The following KLHL32 variants were observed in gnomAD, a reference collection of about 807,000 sequenced individuals.
KLHL32 encodes kelch like family member 32, also known as kelch-like protein 32.
A neutral mutation model predicts 64.8 loss-of-function variants in KLHL32; 35 were observed. The ratio of observed to expected loss-of-function variants is 0.54; its 90% confidence interval spans 0.41 to 0.72. KLHL32 has a LOEUF of 0.72. Among genes scored for constraint, KLHL32 ranks in the 30% least tolerant of loss-of-function variants. KLHL32 has a pLI of 0.00. For synonymous variants in KLHL32, 259 were observed against 281.0 expected (o/e 0.92, Z 0.78); for missense variants, 589 against 768.5 (o/e 0.77, Z 2.76).
At chr6:97,056,967 A>G (rs143436572) in intron 4 of KLHL32, among the ~76,000 whole-genome samples, 1,549 of 152,312 alleles carry the variant, frequency 0.01, 76 homozygotes, top group Admixed American at 0.088. Context: ...ATGAATAAGC[A>G]TAGCTATGTT....
intron 3 of KLHL32, among the ~76,000 whole-genome samples, chr6:96,980,556 G>C (rs569462506): frequency 1.3e-5 from 2 of 152,158 alleles, no homozygotes; most frequent in Non-Finnish European, 2.9e-5. Flanking sequence ...TTCTGGATTT[G>C]ATTTGCTAGT....
intron 3 of KLHL32, among the ~76,000 whole-genome samples, chr6:97,019,664 G>A (rs1009827745): frequency 5.9e-5 from 9 of 152,152 alleles, no homozygotes; most frequent in Non-Finnish European, 1.2e-4. Context: ...AAACCTTGGT[G>A]CATTTATTTA....
chr6:97,071,129 C>T (rs983438030), intron 5 of KLHL32, among the ~76,000 whole-genome samples: 6 of 152,066 alleles, frequency 3.9e-5, no homozygotes, highest in Non-Finnish European at 8.8e-5. Context: ...CGCAGCTGCT[C>T]CTTGCCCTCA....
intron 1 of KLHL32, among the ~76,000 whole-genome samples, chr6:96,949,875 G>C (rs1281288264): frequency 6.6e-6 from 1 of 151,936 alleles, no homozygotes; most frequent in East Asian, 1.9e-4. Context: ...TAAATTTACT[G>C]ACTTAAAAAT....
chr6:97,118,619 C>CAAAAAAAAAAA (rs376156341), intron 7 of KLHL32, among the ~76,000 whole-genome samples: 20 of 101,250 alleles, frequency 2.0e-4, no homozygotes, highest in African/African-American at 5.5e-4. Flanking sequence ...AACTGCATCT[C>CAAAAAAAAAAA]AAAAAAAAAA....
At position 96,976,104 on chromosome 6, in the gene KLHL32, T is replaced by G. The variant is rs1218214432; in HGVS notation, c.131T>G (p.Ile44Ser). The change falls in exon 3 of 11, where the codon ATC (isoleucine) becomes AGC (serine). Residue 44 changes from isoleucine to serine, a missense_variant. Transcript: ENST00000369261. ...QQRSDGILCD[I>S]TLIAEEQKFH... ...AGGAGTGATGGCATCCTCTGCGACA[T>G]CACCCTGATTGCTGAGGAACAGAAA... 3.1e-6 allele frequency: 5 copies of G among 1,608,790 alleles called. No individual in the cohort carries two copies. The highest frequency in any genetic ancestry group is 4.3e-6 in the Non-Finnish European group (5 of 1,176,306).
At chr6:96,966,242 A>G (rs1774441499) in intron 1 of KLHL32, among the ~76,000 whole-genome samples, 2 of 152,204 alleles carry the variant, frequency 1.3e-5, no homozygotes, top group Admixed American at 1.3e-4. Flanking sequence ...CCCTCTACTG[A>G]GGGTTGTAAA....
chr6:96,990,798 A>AG (rs1777769477), intron 3 of KLHL32, among the ~76,000 whole-genome samples: 1 of 152,004 alleles, frequency 6.6e-6, no homozygotes, highest in South Asian at 2.1e-4. Flanking sequence ...GGAGCATTGG[A>AG]GGCTCATAGG....
the KLHL32 span, among the ~76,000 whole-genome samples, chr6:96,911,232 CTT>C: frequency 6.6e-6 from 1 of 152,200 alleles, no homozygotes; most frequent in Admixed American, 6.5e-5. Flanking sequence ...TGCAAATTCT[CTT>C]TGTGTCTTCC....
At chr6:96,956,860 G>A (rs1002854534) in intron 1 of KLHL32, among the ~76,000 whole-genome samples, 3 of 152,190 alleles carry the variant, frequency 2.0e-5, no homozygotes, top group Non-Finnish European at 4.4e-5. Context: ...TCTTGCAGAT[G>A]TAAGAAGCAC....
chr6:97,019,092 AG>A (rs1414424329), intron 3 of KLHL32, among the ~76,000 whole-genome samples: 1 of 152,246 alleles, frequency 6.6e-6, no homozygotes, highest in Non-Finnish European at 1.5e-5. Flanking sequence ...TTGATAATCT[AG>A]CCTCCTCCTA....
At position 96,995,237 on chromosome 6, in the gene KLHL32, T is replaced by C. The variant is rs141548035; in HGVS notation, c.204+19060T>C. On this transcript the variant is annotated intron_variant, in intron 3 of 10. Coordinates refer to ENST00000369261, the MANE Select transcript of KLHL32 (RefSeq NM_052904.4). ...TAACTTGAAATTCCTGGTCATGTTC[T>C]GCCTAGGTGTTACGGTGAAGGAAGT... is the stretch of plus-strand genomic sequence containing the variant. 2.5e-3 allele frequency among the ~76,000 whole-genome samples: 375 copies of C among 152,356 alleles called. 3 individuals carry two copies. Among genetic ancestry groups the C allele is most frequent in the African/African-American group, 8.8e-3 (364 of 41,590 alleles).
At chr6:96,937,649 G>A (rs1399877904) in intron 1 of KLHL32, among the ~76,000 whole-genome samples, 1 of 152,102 alleles carries the variant, frequency 6.6e-6, no homozygotes, top group Non-Finnish European at 1.5e-5. Context: ...TGGAATCAAT[G>A]TGTACTCCTG....
intron 2 of KLHL32, among the ~76,000 whole-genome samples, chr6:96,970,259 C>T (rs1188603229): frequency 6.6e-6 from 1 of 152,158 alleles, no homozygotes; most frequent in Non-Finnish European, 1.5e-5. Flanking sequence ...CTGTGACTTC[C>T]CATTGCCCTT....
At chr6:97,045,814 A>C (rs909498372) in intron 4 of KLHL32, among the ~76,000 whole-genome samples, 1 of 152,216 alleles carries the variant, frequency 6.6e-6, no homozygotes, top group African/African-American at 2.4e-5. Flanking sequence ...AAGGGAGCTG[A>C]CTTTTTGAAG....
At chr6:96,992,264 G>A (rs1030576709) in intron 3 of KLHL32, among the ~76,000 whole-genome samples, 2 of 152,252 alleles carry the variant, frequency 1.3e-5, no homozygotes, top group Non-Finnish European at 1.5e-5. Context: ...CATGGCAGAA[G>A]TGTGGGTCCC....
chr6:97,045,066 A>G (rs1046890251), intron 4 of KLHL32, among the ~76,000 whole-genome samples: 10 of 152,174 alleles, frequency 6.6e-5, no homozygotes, highest in African/African-American at 2.2e-4. Context: ...TTCTGGAGTT[A>G]GTAGAATTTA....
chr6:96,985,072 G>T (rs1442863881), intron 3 of KLHL32, among the ~76,000 whole-genome samples: 2 of 152,116 alleles, frequency 1.3e-5, no homozygotes, highest in Non-Finnish European at 2.9e-5. Context: ...GCCTGGTGGT[G>T]ACAAAATCTC....
rs1769734270 is a variant in KLHL32, at chr6:96,930,548, T to TA, written c.-66+5522_-66+5523insA. ...TAAAATCTCAGTACTTATTAATTCC[T>TA]TCCCTCTGCCTCCCCTTTCCCCACT... On this transcript the variant is annotated intron_variant, in intron 1 of 10. Transcript: ENST00000369261. 2.6e-5 allele frequency among the ~76,000 whole-genome samples: 4 copies of TA among 152,174 alleles called. No individual in the cohort carries two copies. In the South Asian group the frequency reaches 8.3e-4, roughly 32 times the overall value.
Sources: allele counts gnomAD v4.1 joint callset (sites outside exome capture counted in the v4.1 genomes callset), GRCh38; gene constraint gnomAD v4.1.1; transcripts MANE v1.5; gene names NCBI Gene and HGNC (gene_info 2026-07-23, HGNC 2026-07-21).